The following ELMOD2 variants were observed in gnomAD, a reference collection of about 807,000 sequenced individuals.
ELMOD2 encodes the protein ELMO domain containing 2.
In ELMOD2, 28 loss-of-function variants were observed where a neutral mutation model predicts 41.0. The observed-to-expected ratio is 0.68, with a 90% CI of 0.51 to 0.94. The LOEUF (loss-of-function observed/expected upper bound fraction) is 0.94, where lower values mean the gene tolerates loss of function less well. Ranked by LOEUF, ELMOD2 falls within the 40% of genes least tolerant of loss-of-function variation. The pLI is 0.00. For missense variants in ELMOD2, 333 were observed against 343.1 expected (o/e 0.97, Z 0.23); for synonymous variants, 106 against 107.2 (o/e 0.99, Z 0.07).
At chr4:140,524,509 G>T in intron 1 of ELMOD2, 2 of 794,644 alleles carry the variant, frequency 2.5e-6, no homozygotes, top group Non-Finnish European at 3.0e-6. Flanking sequence ...CATCCCCTCT[G>T]CTCGGCAGTT....
At position 140,552,695 on chromosome 4, in the gene ELMOD2, A is replaced by G. The variant is rs954995108; in HGVS notation, c.*2320A>G. 1 of 152,152 alleles carries G rather than the reference A, an allele frequency of 6.6e-6. No homozygotes were observed. Among genetic ancestry groups the G allele is most frequent in the African/African-American group, 2.4e-5 (1 of 41,454 alleles). 9.4% of individuals were successfully genotyped at this position (152,152 alleles called of 1,614,324 possible). On this transcript the variant is annotated 3_prime_UTR_variant, in exon 9 of 9. Transcript: ENST00000323570. ...TTTCTATAATAATTAGTAAAATGCC[A>G]AAGTAGTGATAGAATATTGTGGCAT...
rs369960970 is a variant in ELMOD2 at position 140,537,486 on chromosome 4, T to A, written c.344T>A (p.Val115Glu). The A allele has an allele frequency of 8.2e-6, 13 of 1,589,506 alleles. No individual in the cohort carries two copies. In the African/African-American group the frequency reaches 8.2e-5, roughly 10 times the overall value. ...CAGCTGTATTTGGATGTAGAAAGTG[T>A]GAGGAAAAGGCCATATGATTCTGAT... The part of the protein sequence containing the change: ...YKQLYLDVES[V>E]RKRPYDSDNL... Residue 115 changes from valine (V) to glutamate (E), a missense_variant, in exon 5 of 9, where the codon GTG becomes GAG. By Grantham distance (121) the Val-to-Glu change is moderately radical. Coordinates refer to ENST00000323570, the MANE Select transcript of ELMOD2 (RefSeq NM_153702.4).
chr4:140,541,687 A>G (rs1429908646), intron 6 of ELMOD2, among the ~76,000 whole-genome samples: 1 of 152,118 alleles, frequency 6.6e-6, no homozygotes, highest in African/African-American at 2.4e-5. Context: ...CCATAATGTA[A>G]GATGGTTCCT....
intron 8 of ELMOD2, among the ~76,000 whole-genome samples, chr4:140,549,858 G>C (rs532457657): frequency 8.1e-4 from 123 of 151,732 alleles, no homozygotes; most frequent in Admixed American, 3.2e-3. Context: ...GCTAATTTTT[G>C]TGTTTGTTGC....
At position 140,543,589 on chromosome 4, in the gene ELMOD2, G is replaced by A. The variant is rs751543156; in HGVS notation, c.736+3G>A. Reference sequence around the variant, plus strand: ...GGAACACTTTCATCAGTTTTACTGTGAGTATTAAAATGAGTTAAAACTAGA... The same window carrying A: ...GGAACACTTTCATCAGTTTTACTGTAAGTATTAAAATGAGTTAAAACTAGA... On this transcript the variant is annotated splice_donor_region_variant and intron_variant, in intron 8 of 8. Transcript: ENST00000323570. 5.1e-6 allele frequency: 8 copies of A among 1,576,704 alleles called. No individual in the cohort carries two copies. Among genetic ancestry groups the A allele is most frequent in the Non-Finnish European group, 6.9e-6 (8 of 1,167,658 alleles).
At chr4:140,549,935 C>T (rs866788297) in intron 8 of ELMOD2, among the ~76,000 whole-genome samples, 2 of 152,138 alleles carry the variant, frequency 1.3e-5, no homozygotes, top group East Asian at 1.9e-4. Context: ...GATCTGCCCA[C>T]CTAAGTCTCT....
intron 8 of ELMOD2, among the ~76,000 whole-genome samples, chr4:140,545,160 C>T (rs543057038): frequency 1.3e-5 from 2 of 152,268 alleles, no homozygotes; most frequent in Admixed American, 6.5e-5. Flanking sequence ...CTAATACAAT[C>T]GCCATGTTTT....
chr4:140,542,679 C>G lies in ELMOD2; in HGVS notation c.602+37C>G, dbSNP rs756490301. 7 of 1,420,406 alleles carry G rather than the reference C, an allele frequency of 4.9e-6. No homozygotes were observed. In the South Asian group the frequency reaches 6.5e-5, roughly 13 times the overall value. The allele number at this position is 1,420,406 out of a possible 1,614,324, so 88.0% of individuals were successfully genotyped here. ...ATATTAAAGAAGCCGTAATCTCTTG[C>G]ATTTATAATGATTAGATGATTTAAT... On this transcript the variant is annotated intron_variant, in intron 7 of 8. Coordinates refer to ENST00000323570, the MANE Select transcript of ELMOD2 (RefSeq NM_153702.4).
chr4:140,527,069 A>T (rs934770399), intron 2 of ELMOD2, among the ~76,000 whole-genome samples: 1 of 152,138 alleles, frequency 6.6e-6, no homozygotes, highest in Admixed American at 6.5e-5. Context: ...TATCACCTCA[A>T]ATCTAAAGGC....
At chr4:140,550,134 G>T in intron 8 of ELMOD2, 96 bp from the exon 9 acceptor site, 1 of 1,039,148 alleles carries the variant, frequency 9.6e-7, no homozygotes, top group Non-Finnish European at 1.4e-6. Context: ...TTCTAATATG[G>T]AATTTAAAGG....
In ELMOD2 at chr4:140,540,288, T is replaced by C. The variant is rs779733215; in HGVS notation, c.520T>C (p.Leu174=). The C allele has an allele frequency of 6.2e-7, 1 of 1,613,246 alleles. No homozygotes were observed. Among genetic ancestry groups the C allele is most frequent in the Admixed American group, 1.7e-5 (1 of 59,610 alleles). ...CTTCAGAGGCATGGGCATACTTGGG[T>C]TAATCAATCTTGTGTAAGTGAAAGT... The part of the protein sequence containing the change: ...TDFRGMGILG[L]INLVYFSENY... The change falls in exon 6 of 9, where the codon TTA becomes CTA. Residue 174 remains leucine (L), a synonymous_variant. Coordinates refer to ENST00000323570, the MANE Select transcript of ELMOD2 (RefSeq NM_153702.4).
intron 3 of ELMOD2, chr4:140,535,530 C>T (rs1734892322): frequency 2.2e-6 from 1 of 457,110 alleles, no homozygotes; most frequent in Non-Finnish European, 3.8e-6. Flanking sequence ...TCTGGTACAT[C>T]ATGTTGCTGT....
At chr4:140,543,178 C>T (rs1735162119) in intron 7 of ELMOD2, among the ~76,000 whole-genome samples, 1 of 151,834 alleles carries the variant, frequency 6.6e-6, no homozygotes, top group South Asian at 2.1e-4. Flanking sequence ...TCTATAGTCC[C>T]CCTGACCCCT....
At chr4:140,545,822 A>G (rs1162747410) in intron 8 of ELMOD2, among the ~76,000 whole-genome samples, 2 of 152,194 alleles carry the variant, frequency 1.3e-5, no homozygotes, top group Non-Finnish European at 2.9e-5. Context: ...CGATCATTAA[A>G]AAGTCAGGAA....
intron 5 of ELMOD2, among the ~76,000 whole-genome samples, chr4:140,539,191 T>A (rs186120817): frequency 4.4e-4 from 67 of 152,194 alleles, no homozygotes; most frequent in Admixed American, 1.3e-3. Flanking sequence ...GGTAATGAAA[T>A]GGGAAAAAAA....
chr4:140,544,562 A>G (rs1340966175), intron 8 of ELMOD2, among the ~76,000 whole-genome samples: 1 of 152,084 alleles, frequency 6.6e-6, no homozygotes, highest in Non-Finnish European at 1.5e-5. Flanking sequence ...CTCCACTCCC[A>G]AAAATTATTC....
At position 140,542,642 on chromosome 4, in the gene ELMOD2, G is replaced by T. The variant is rs1365790541; in HGVS notation, c.602G>T (p.Gly201Val). The change falls in exon 7 of 9, where the codon GGG (glycine) becomes GTG (valine). Residue 201 changes from glycine (G) to valine (V), a missense_variant and splice_region_variant. Gly to Val is a moderately radical substitution (Grantham distance 109). Transcript: ENST00000323570. ...TCCCGTTCAAATCATCCAAAATTAG[G>T]GTAAGCTGGGTATATTAAAGAAGCC... Reference protein sequence around the residue: ...ILSRSNHPKLGYSYAIVGINL... With the variant: ...ILSRSNHPKLVYSYAIVGINL... The T allele has an allele frequency of 6.3e-7, 1 of 1,599,128 alleles. No homozygotes were observed. The highest frequency in any genetic ancestry group is 8.5e-7 in the Non-Finnish European group (1 of 1,170,922).
At position 140,550,540 on chromosome 4, in the gene ELMOD2, C is replaced by G. The variant is rs1735441636; in HGVS notation, c.*165C>G. ...CTAGTGGACAATCAGTGTATGTTTA[C>G]AATTGTTTATACACTGTTCTCCAAA... On this transcript the variant is annotated 3_prime_UTR_variant, in exon 9 of 9. Transcript: ENST00000323570. 3 of 676,486 alleles carry G rather than the reference C, an allele frequency of 4.4e-6. No individual in the cohort carries two copies. The East Asian group carries it at 1.0e-4, about 23-fold the overall frequency. The allele number at this position is 676,486 out of a possible 1,614,324, so 41.9% of individuals were successfully genotyped here.
intron 6 of ELMOD2, 189 bp from the exon 7 acceptor site, chr4:140,542,385 T>A: frequency 2.0e-6 from 1 of 493,850 alleles, no homozygotes; most frequent in Admixed American, 3.6e-5. Flanking sequence ...CTGTACTACA[T>A]AGGCCTGATA....
Sources: gnomAD v4.1 joint callset for allele counts (sites outside exome capture counted in the v4.1 genomes callset) on GRCh38, gnomAD v4.1.1 for gene constraint, MANE v1.5 for transcripts, NCBI Gene and HGNC (gene_info 2026-07-23, HGNC 2026-07-21) for gene names.